The following FBXO38 variants were observed in gnomAD, a reference collection of about 807,000 sequenced individuals.
The protein encoded by FBXO38 is F-box only protein 38.
A neutral mutation model predicts 131.9 loss-of-function variants in FBXO38; 53 were observed. That is an observed-to-expected ratio of 0.40 (90% CI 0.32 to 0.51). The LOEUF (loss-of-function observed/expected upper bound fraction) is 0.51. FBXO38 is among the 20% of genes least tolerant of loss of function. The pLI, the probability that FBXO38 is intolerant of heterozygous loss-of-function variation, is 0.53. For missense variants in FBXO38, 1,076 were observed against 1,475.6 expected (o/e 0.73, Z 4.44); for synonymous variants, 452 against 505.6 (o/e 0.89, Z 1.42).
intron 8 of FBXO38, among the ~76,000 whole-genome samples, chr5:148,409,419 G>A (rs1490605813): frequency 1.3e-5 from 2 of 152,194 alleles, no homozygotes; most frequent in East Asian, 3.8e-4. Context: ...AACCAGTTGA[G>A]CTGCATACTA....
chr5:148,387,018 G>A (rs146772705), intron 1 of FBXO38, among the ~76,000 whole-genome samples: 2,247 of 152,276 alleles, frequency 0.015, 28 homozygotes, highest in Non-Finnish European at 0.022. Flanking sequence ...GGTGGTGGTT[G>A]CAGAACATTG....
intron 15 of FBXO38, chr5:148,430,149 ATTATTATTATTTT>A (rs1271991017): frequency 2.3e-5 from 3 of 129,434 alleles, no homozygotes; most frequent in African/African-American, 1.0e-4. Flanking sequence ...TATAATTATT[ATTATTATTATTTT>A]TTTTTTTTTT....
At chr5:148,387,960 G>T (rs1056817034) in intron 1 of FBXO38, among the ~76,000 whole-genome samples, 1 of 152,090 alleles carries the variant, frequency 6.6e-6, no homozygotes, top group Non-Finnish European at 1.5e-5. Context: ...AAAGTGCTGG[G>T]ATTACAGGTG....
intron 5 of FBXO38, 129 bp downstream of exon 5, chr5:148,402,642 C>G (rs1752221340): frequency 1.2e-6 from 1 of 813,442 alleles, no homozygotes. Flanking sequence ...TAAATGTTTG[C>G]AAGATCTGTA....
chr5:148,407,929 A>T (rs1300361715), intron 7 of FBXO38, among the ~76,000 whole-genome samples: 1 of 152,234 alleles, frequency 6.6e-6, no homozygotes, highest in East Asian at 1.9e-4. Context: ...TGTCTCAAAA[A>T]AAAAAGAGAG....
chr5:148,407,423 T>C (rs1024936113), intron 7 of FBXO38, among the ~76,000 whole-genome samples: 6 of 152,190 alleles, frequency 3.9e-5, no homozygotes, highest in African/African-American at 1.4e-4. Context: ...CAAAAATTTA[T>C]TCTAGATGGG....
intron 10 of FBXO38, among the ~76,000 whole-genome samples, chr5:148,414,530 T>A (rs1268836652): frequency 1.3e-5 from 2 of 152,096 alleles, no homozygotes; most frequent in South Asian, 4.1e-4. Flanking sequence ...ACTCTCCAGG[T>A]TGTGGATTCA....
intron 12 of FBXO38, among the ~76,000 whole-genome samples, chr5:148,421,262 C>T (rs1753411069): frequency 6.6e-6 from 1 of 152,130 alleles, no homozygotes; most frequent in Admixed American, 6.5e-5. Context: ...CCACGCCCGG[C>T]CAAGAATTTG....
At chr5:148,410,494 A>G (rs749875453) in intron 8 of FBXO38, 141 bp from the exon 9 acceptor site, 5 of 1,060,272 alleles carry the variant, frequency 4.7e-6, no homozygotes, top group African/African-American at 1.6e-5. Flanking sequence ...CTGTGAGTCC[A>G]TTAAAACCTC....
chr5:148,425,777 C>A, intron 14 of FBXO38, 76 bp downstream of exon 14: 2 of 1,269,236 alleles, frequency 1.6e-6, no homozygotes, highest in Non-Finnish European at 2.2e-6. Flanking sequence ...AATATGACAA[C>A]TTGGGTGCAG....
At chr5:148,416,908 G>A in intron 11 of FBXO38, 86 bp from the exon 12 acceptor site, 1 of 764,920 alleles carries the variant, frequency 1.3e-6, no homozygotes, top group Non-Finnish European at 2.3e-6. Flanking sequence ...TAGTTATAAT[G>A]TAAAGGTGAA....
intron 1 of FBXO38, among the ~76,000 whole-genome samples, chr5:148,386,351 G>A (rs1004355682): frequency 6.6e-6 from 1 of 152,152 alleles, no homozygotes; most frequent in African/African-American, 2.4e-5. Flanking sequence ...TTGGGCAAGT[G>A]ATTTGTCACC....
intron 17 of FBXO38, among the ~76,000 whole-genome samples, chr5:148,437,815 A>G (rs150855862): frequency 2.0e-5 from 3 of 152,156 alleles, no homozygotes; most frequent in African/African-American, 7.2e-5. Flanking sequence ...TACACTGTTC[A>G]GTATTATGGT....
chr5:148,437,640 T>G (rs1230120215), intron 17 of FBXO38, among the ~76,000 whole-genome samples: 1 of 152,128 alleles, frequency 6.6e-6, no homozygotes, highest in Non-Finnish European at 1.5e-5. Context: ...AATTGGAGAT[T>G]AAAAAAAGAG....
In FBXO38 at chr5:148,406,279, T is replaced by C. The variant is rs772089254; in HGVS notation, c.753T>C (p.Tyr251=). ...CAGGACCCACAAATTCCTTGAAATA[T>C]GTCCCTTTAGTAACAGGCTTAGCCT... ...NCAGPTNSLK[Y]VPLVTGLASA... Residue 251 remains tyrosine (Y), a synonymous_variant, in exon 7 of 22, where the codon TAT becomes TAC. Transcript: ENST00000340253. The C allele has an allele frequency of 1.9e-6, 3 of 1,587,180 alleles. No homozygotes were observed. The highest frequency in any genetic ancestry group is 1.2e-5 in the South Asian group (1 of 85,020).
chr5:148,398,941 A>C, intron 2 of FBXO38, 58 bp from the exon 3 acceptor site: 1 of 1,580,042 alleles, frequency 6.3e-7, no homozygotes, highest in Non-Finnish European at 8.6e-7. Context: ...AAAATAACTT[A>C]CTGGTGAGAA....
At chr5:148,441,083 G>A in intron 20 of FBXO38, 41 bp from the exon 21 acceptor site, 1 of 1,450,218 alleles carries the variant, frequency 6.9e-7, no homozygotes, top group Non-Finnish European at 9.7e-7. Flanking sequence ...GGCTCTGTCA[G>A]CACTCCCACG....
At chr5:148,393,188 G>GGGGGTGT (rs1420907423) in intron 1 of FBXO38, among the ~76,000 whole-genome samples, 51 of 127,082 alleles carry the variant, frequency 4.0e-4, no homozygotes, top group African/African-American at 1.4e-3. Context: ...ACAGAAGAGG[G>GGGGGTGT]GTGTGTGTGT....
At chr5:148,410,445 C>G in intron 8 of FBXO38, 190 bp from the exon 9 acceptor site, 1 of 627,052 alleles carries the variant, frequency 1.6e-6, no homozygotes, top group Non-Finnish European at 2.7e-6. Flanking sequence ...TCCTTTTTGC[C>G]TTCAGCCATG....
Sources: gnomAD v4.1 joint callset for allele counts (sites outside exome capture counted in the v4.1 genomes callset) on GRCh38, gnomAD v4.1.1 for gene constraint, MANE v1.5 for transcripts, NCBI Gene and HGNC (gene_info 2026-07-23, HGNC 2026-07-21) for gene names.